TERB1: variants seen among roughly 807,000 people sequenced by gnomAD.
TERB1 encodes telomere repeat binding bouquet formation protein 1.
In TERB1, 63 loss-of-function variants were observed where a neutral mutation model predicts 92.3. That is an observed-to-expected ratio of 0.68 (90% CI 0.56 to 0.84). TERB1 has a LOEUF of 0.84. Ranked by LOEUF, TERB1 falls within the 40% of genes least tolerant of loss-of-function variation. The probability of loss-of-function intolerance (pLI) is 0.00; values close to 1 mark genes in which losing one functional copy is unlikely to be tolerated. For synonymous variants in TERB1, 252 were observed against 283.9 expected, an observed-to-expected ratio of 0.89 and a Z score of 1.13; for missense variants, 709 against 843.7, an observed-to-expected ratio of 0.84 and a Z score of 1.98.
chr16:66,792,986 T>TTAAAATTTTATTTTATTTTA (rs1478355609), intron 3 of TERB1, among the ~76,000 whole-genome samples: 62 of 151,776 alleles, frequency 4.1e-4, no homozygotes, highest in Non-Finnish European at 7.7e-4. Context: ...CAATTTATTT[T>TTAAAATTTTATTTTATTTTA]TAAAATTTTA....
At chr16:66,785,147 G>C (rs768564422) in intron 9 of TERB1, among the ~76,000 whole-genome samples, 1 of 151,334 alleles carries the variant, frequency 6.6e-6, no homozygotes, top group Non-Finnish European at 1.5e-5. Flanking sequence ...AGCCTCCCAA[G>C]TAGCTCGGAT....
chr16:66,755,049 T>A lies in TERB1; in HGVS notation c.2111A>T (p.Gln704Leu), dbSNP rs1234096740. 6.4e-7 allele frequency: 1 copy of A among 1,551,600 alleles called. No homozygotes were observed. The highest frequency in any genetic ancestry group is 8.7e-7 in the Non-Finnish European group (1 of 1,146,992). Reference protein sequence around the residue: ...NSILWSFPFQQGRKAVDLAHK... With the variant: ...NSILWSFPFQLGRKAVDLAHK... ...AGCAAGGTCCACAGCCTTCCGTCCT[T>A]GCTGAAAGGGGAAAGACCACAAAAT... The change falls in exon 19 of 19, where the codon CAA becomes CTA. Residue 704 changes from glutamine (Q) to leucine (L), a missense_variant. Transcript: ENST00000433154.
At chr16:66,761,308 C>T (rs373527350) in intron 16 of TERB1, among the ~76,000 whole-genome samples, 1 of 150,326 alleles carries the variant, frequency 6.7e-6, no homozygotes, top group African/African-American at 2.4e-5. Context: ...AAAAAGTAGC[C>T]GTGCATGACG....
chr16:66,793,132 T>C (rs1009387017), intron 3 of TERB1, among the ~76,000 whole-genome samples: 1 of 150,630 alleles, frequency 6.6e-6, no homozygotes, highest in Non-Finnish European at 1.5e-5. Flanking sequence ...GGATATAATA[T>C]AGAGGAGCAT....
chr16:66,760,402 T>C (rs1437452401), intron 16 of TERB1, among the ~76,000 whole-genome samples: 1 of 133,178 alleles, frequency 7.5e-6, no homozygotes, highest in Non-Finnish European at 1.6e-5. Flanking sequence ...GAGGCTGCAG[T>C]GAGCTGAGAT....
At chr16:66,790,857 C>A in intron 4 of TERB1, 52 bp downstream of exon 4, 1 of 1,410,578 alleles carries the variant, frequency 7.1e-7, no homozygotes, top group South Asian at 1.3e-5. Flanking sequence ...TTTGATATAT[C>A]AGAGTACTAA....
intron 16 of TERB1, among the ~76,000 whole-genome samples, chr16:66,766,349 TTC>T (rs1238035956): frequency 6.6e-6 from 1 of 152,148 alleles, no homozygotes; most frequent in Non-Finnish European, 1.5e-5. Context: ...AGATAACCTC[TTC>T]ATCCAAGAGG....
rs1349718873 is a variant in TERB1, at chr16:66,760,146, AAAG to A, written c.1781-859_1781-857del. On this transcript the variant is annotated intron_variant, in intron 16 of 18. Coordinates refer to ENST00000433154, the MANE Select transcript of TERB1 (RefSeq NM_001136505.2). ...ACTCCATCTCAAAAAAAAAAAAAAAAAAGAAAAGAAAAGAAAAGAAAAAGAGCA... is the reference window on the plus strand; with the variant it reads ...ACTCCATCTCAAAAAAAAAAAAAAAAAAAAGAAAAGAAAAGAAAAAGAGCA... Among the ~76,000 whole-genome samples, 160 of 97,680 alleles carry A rather than the reference AAAG, an allele frequency of 1.6e-3. 3 individuals carry two copies. The highest frequency in any genetic ancestry group is 5.4e-3 in the Middle Eastern group (1 of 184). The allele number at this position is 97,680 out of a possible 152,430, so 64.1% of individuals were successfully genotyped here.
At position 66,767,568 on chromosome 16, in the gene TERB1, C is replaced by T. The variant is rs2018369293; in HGVS notation, c.1685-58G>A. The stretch of plus-strand genomic sequence containing the variant: ...ATTAATGAAAAGAATCAGATATTTT[C>T]AGGATTTATTAAATATCAAGCTTTT... On this transcript the variant is annotated intron_variant, in intron 15 of 18. Coordinates refer to ENST00000433154, the MANE Select transcript of TERB1 (RefSeq NM_001136505.2). 4 of 799,044 alleles carry T rather than the reference C, an allele frequency of 5.0e-6. No homozygotes were observed. The African/African-American group carries it at 7.2e-5, about 14-fold the overall frequency. 49.5% of individuals were successfully genotyped at this position (799,044 alleles called of 1,614,324 possible). A position where few individuals can be genotyped will look rare whatever the true frequency, so the allele number is the denominator to read the frequency against.
chr16:66,791,079 C>G, intron 3 of TERB1, 60 bp from the exon 4 acceptor site: 1 of 893,310 alleles, frequency 1.1e-6, no homozygotes, highest in East Asian at 2.7e-5. Flanking sequence ...ACTAACCATT[C>G]AAATTTCACT....
intron 3 of TERB1, among the ~76,000 whole-genome samples, chr16:66,793,092 TAG>T (rs2145240807): frequency 6.6e-6 from 1 of 151,438 alleles, no homozygotes; most frequent in African/African-American, 2.4e-5. Context: ...AAAAAAAATT[TAG>T]AGTTCTGAAA....
At chr16:66,774,137 T>C (rs1186667120) in intron 12 of TERB1, among the ~76,000 whole-genome samples, 1 of 145,500 alleles carries the variant, frequency 6.9e-6, no homozygotes, top group Non-Finnish European at 1.5e-5. Context: ...CGCCTAGGCC[T>C]CCGAAAGTGC....
rs1023834249 is a variant in TERB1 at position 66,797,999 on chromosome 16, A to G, written c.-32-1169T>C. 2.6e-5 allele frequency among the ~76,000 whole-genome samples: 4 copies of G among 151,772 alleles called. No individual in the cohort carries two copies. The South Asian group carries it at 8.3e-4, about 32-fold the overall frequency. ...GGATTCACAAAACTCTAAAATTCTTATTTATTCCAACACTATGTTGTTAAA... is the reference window on the plus strand; with the variant it reads ...GGATTCACAAAACTCTAAAATTCTTGTTTATTCCAACACTATGTTGTTAAA... On this transcript the variant is annotated intron_variant, in intron 2 of 18. Transcript: ENST00000433154.
chr16:66,793,068 C>CA (rs532696250), intron 3 of TERB1, among the ~76,000 whole-genome samples: 4 of 149,348 alleles, frequency 2.7e-5, no homozygotes, highest in Non-Finnish European at 4.4e-5. Flanking sequence ...GACTCTGTCT[C>CA]AAAAAAACAA....
At chr16:66,762,090 G>C (rs1392324048) in intron 16 of TERB1, among the ~76,000 whole-genome samples, 3 of 152,200 alleles carry the variant, frequency 2.0e-5, no homozygotes, top group African/African-American at 7.2e-5. Context: ...GTCTGGTTTT[G>C]AGCAAGAGTC....
chr16:66,775,068 C>A (rs1421307853), intron 12 of TERB1, 50 bp downstream of exon 12: 1 of 1,528,854 alleles, frequency 6.5e-7, no homozygotes, highest in East Asian at 2.5e-5. Flanking sequence ...GAAATAAATT[C>A]TCCTTTATAA....
chr16:66,788,161 GTACT>G lies in TERB1; in HGVS notation c.400+4_400+7del. The G allele has an allele frequency of 2.8e-6, 4 of 1,434,586 alleles. No individual in the cohort carries two copies. The highest frequency in any genetic ancestry group is 1.5e-5 in the African/African-American group (1 of 67,580). 88.9% of individuals were successfully genotyped at this position (1,434,586 alleles called of 1,614,324 possible). A position where few individuals can be genotyped will look rare whatever the true frequency, so the allele number is the denominator to read the frequency against. ...TGTTTTCAAATAGTCATAAGAGAAT[GTACT>G]TACTATTATTTGAAACCAGAACCAA... On this transcript the variant is annotated splice_donor_5th_base_variant and intron_variant, in intron 6 of 18. Coordinates refer to ENST00000433154, the MANE Select transcript of TERB1 (RefSeq NM_001136505.2).
chr16:66,792,589 T>C (rs767808694), intron 3 of TERB1, among the ~76,000 whole-genome samples: 1 of 152,178 alleles, frequency 6.6e-6, no homozygotes, highest in Non-Finnish European at 1.5e-5. Context: ...TACATAAAAA[T>C]AGATTGTACA....
intron 6 of TERB1, 131 bp downstream of exon 6, chr16:66,788,038 G>A: frequency 1.6e-6 from 1 of 622,048 alleles, no homozygotes; most frequent in Non-Finnish European, 2.5e-6. Flanking sequence ...TCCACCTTGG[G>A]TGTCAGAGCA....
Sources: gnomAD v4.1 joint callset for allele counts (sites outside exome capture counted in the v4.1 genomes callset) on GRCh38, gnomAD v4.1.1 for gene constraint, MANE v1.5 for transcripts, NCBI Gene and HGNC (gene_info 2026-07-23, HGNC 2026-07-21) for gene names.